Variants in DLGAP2 observed in about 807,000 individuals in gnomAD.
DLGAP2 encodes the protein DLG associated protein 2.
In DLGAP2, 26 loss-of-function variants were observed where a neutral mutation model predicts 100.3. The ratio of observed to expected loss-of-function variants is 0.26; its 90% CI spans 0.19 to 0.36. The LOEUF (loss-of-function observed/expected upper bound fraction) is 0.36, where lower values mean the gene tolerates loss of function less well. Ranked by LOEUF, DLGAP2 falls within the 10% of genes least tolerant of loss-of-function variation. The pLI, the probability that DLGAP2 is intolerant of heterozygous loss-of-function variation, is 1.00. For synonymous variants in DLGAP2, 886 were observed against 630.1 expected (o/e 1.41, Z -6.08); for missense variants, 1,858 against 1,453.2 (o/e 1.28, Z -4.53).
chr8:859,625 A>G (rs1220199465), intron 1 of DLGAP2, among the ~76,000 whole-genome samples: 1 of 152,112 alleles, frequency 6.6e-6, no homozygotes, highest in Non-Finnish European at 1.5e-5. Context: ...GAGTCTGGGG[A>G]TGAAGTCAGC....
intron 2 of DLGAP2, among the ~76,000 whole-genome samples, chr8:1,197,744 C>G (rs909917747): frequency 6.6e-6 from 1 of 152,052 alleles, no homozygotes; most frequent in Non-Finnish European, 1.5e-5. Context: ...TAAACCTGAG[C>G]CACGCCAATG....
At chr8:1,274,073 G>A (rs373456095) in intron 3 of DLGAP2, among the ~76,000 whole-genome samples, 3 of 152,002 alleles carry the variant, frequency 2.0e-5, no homozygotes, top group East Asian at 1.9e-4. Flanking sequence ...ACAGCGTGAC[G>A]GCTCTGTTCA....
intron 2 of DLGAP2, among the ~76,000 whole-genome samples, chr8:973,781 C>A (rs1382791093): frequency 6.6e-6 from 1 of 151,904 alleles, no homozygotes; most frequent in African/African-American, 2.4e-5. Context: ...TGAGCGGAGG[C>A]GAATCCGGAG....
intron 3 of DLGAP2, among the ~76,000 whole-genome samples, chr8:1,385,212 C>T (rs1369290651): frequency 3.9e-4 from 23 of 59,640 alleles, no homozygotes; most frequent in Non-Finnish European, 6.1e-4. Flanking sequence ...ACAGTTACCC[C>T]GGCCTATGCC....
chr8:1,668,421 A>T lies in DLGAP2; in HGVS notation c.1903A>T (p.Thr635Ser). The change falls in exon 9 of 15, where the codon ACC becomes TCC. Residue 635 changes from threonine to serine, a missense_variant. Thr to Ser is a moderately conservative substitution (Grantham distance 58, BLOSUM62 1). Coordinates refer to ENST00000637795, the MANE Select transcript of DLGAP2 (RefSeq NM_001346810.2). ...PLISVTAQSS[T>S]ESTQDAYQDS... The stretch of plus-strand genomic sequence containing the variant: ...GATCTCGGTGACGGCGCAGAGCAGC[A>T]CCGAATCCACCCAGGACGCCTACCA... 1 of 1,604,070 alleles carries T rather than the reference A, an allele frequency of 6.2e-7. No homozygotes were observed. The highest frequency in any genetic ancestry group is 8.5e-7 in the Non-Finnish European group (1 of 1,175,820).
intron 1 of DLGAP2, among the ~76,000 whole-genome samples, chr8:747,649 A>C (rs944523868): frequency 4.4e-5 from 2 of 45,502 alleles, no homozygotes; most frequent in African/African-American, 9.1e-5. Context: ...AGGATGGGGC[A>C]GGGTGGGGGC....
At chr8:994,946 A>G (rs1563133703) in intron 2 of DLGAP2, among the ~76,000 whole-genome samples, 1 of 152,220 alleles carries the variant, frequency 6.6e-6, no homozygotes, top group Non-Finnish European at 1.5e-5. Context: ...TACAGTTGGC[A>G]TCACGGGGGC....
chr8:1,544,947 G>A (rs1276676789), intron 4 of DLGAP2, among the ~76,000 whole-genome samples: 1 of 152,144 alleles, frequency 6.6e-6, no homozygotes, highest in South Asian at 2.1e-4. Flanking sequence ...TGGCCAGGAT[G>A]GTCTCGATCT....
At chr8:1,259,089 G>A (rs141256880) in intron 3 of DLGAP2, among the ~76,000 whole-genome samples, 22 of 152,376 alleles carry the variant, frequency 1.4e-4, no homozygotes, top group African/African-American at 4.8e-4. Context: ...CTCTGAAGAA[G>A]AATTGGCTTT....
intron 3 of DLGAP2, among the ~76,000 whole-genome samples, chr8:1,488,370 G>C (rs184882804): frequency 1.3e-5 from 2 of 152,186 alleles, no homozygotes; most frequent in African/African-American, 4.8e-5. Context: ...AGCTTGGCAG[G>C]TCTCTTTTCC....
At chr8:1,205,006 C>G (rs996187169) in intron 2 of DLGAP2, among the ~76,000 whole-genome samples, 3 of 152,084 alleles carry the variant, frequency 2.0e-5, no homozygotes, top group Non-Finnish European at 4.4e-5. Flanking sequence ...AGTCAGTTGT[C>G]TGTTAAACGG....
chr8:1,704,428 C>G lies in DLGAP2; in HGVS notation c.*3022C>G, dbSNP rs1173355121. 2 of 152,232 alleles carry G rather than the reference C, an allele frequency of 1.3e-5. No individual in the cohort carries two copies. The highest frequency in any genetic ancestry group is 2.9e-5 in the Non-Finnish European group (2 of 68,046). The allele number at this position is 152,232 out of a possible 1,614,324, so 9.4% of individuals were successfully genotyped here. A position where few individuals can be genotyped will look rare whatever the true frequency, so the allele number is the denominator to read the frequency against. ...GTTAATAAAACACAAGTATGATAAA[C>G]AGGACCTAGCGTTTAGCCCGGGAAA... On this transcript the variant is annotated 3_prime_UTR_variant, in exon 15 of 15. Transcript: ENST00000637795.
intron 2 of DLGAP2, among the ~76,000 whole-genome samples, chr8:1,067,254 C>G (rs189460838): frequency 1.5e-3 from 228 of 152,336 alleles, no homozygotes; most frequent in African/African-American, 5.3e-3. Flanking sequence ...CCCTGTTCTT[C>G]AAGGAGAGAC....
chr8:889,551 C>T (rs1797992159), intron 1 of DLGAP2, among the ~76,000 whole-genome samples: 1 of 152,196 alleles, frequency 6.6e-6, no homozygotes, highest in South Asian at 2.1e-4. Flanking sequence ...AGGGTCGAGC[C>T]TGAAGAGCAC....
intron 3 of DLGAP2, among the ~76,000 whole-genome samples, chr8:1,298,885 C>G (rs898279917): frequency 6.6e-6 from 1 of 152,074 alleles, no homozygotes; most frequent in Non-Finnish European, 1.5e-5. Context: ...ATAACACAGG[C>G]CTGAGGCAGG....
chr8:888,815 C>T (rs1797975841), intron 1 of DLGAP2, among the ~76,000 whole-genome samples: 1 of 152,094 alleles, frequency 6.6e-6, no homozygotes. Context: ...TGTCTGTGTA[C>T]AGGGTGTGTG....
At chr8:960,429 A>G (rs1799699709) in intron 2 of DLGAP2, among the ~76,000 whole-genome samples, 1 of 151,548 alleles carries the variant, frequency 6.6e-6, no homozygotes, top group African/African-American at 2.4e-5. Context: ...ACGGAGTTTC[A>G]CCACATTGGC....
intron 1 of DLGAP2, among the ~76,000 whole-genome samples, chr8:823,455 T>G (rs1796626114): frequency 6.6e-6 from 1 of 152,124 alleles, no homozygotes; most frequent in African/African-American, 2.4e-5. Context: ...GTGAATTAGT[T>G]AGGGTGCTTA....
intron 4 of DLGAP2, among the ~76,000 whole-genome samples, chr8:1,509,121 A>G (rs1800061379): frequency 6.6e-6 from 1 of 152,018 alleles, no homozygotes; most frequent in Non-Finnish European, 1.5e-5. Context: ...TCACGAGGTC[A>G]GGAGATCGAG....
Sources: gnomAD v4.1 joint callset for allele counts (sites outside exome capture counted in the v4.1 genomes callset) on GRCh38, gnomAD v4.1.1 for gene constraint, MANE v1.5 for transcripts, NCBI Gene and HGNC (gene_info 2026-07-23, HGNC 2026-07-21) for gene names.